TM4SF18: variants seen among roughly 807,000 people sequenced by gnomAD.
TM4SF18 encodes transmembrane 4 L six family member 18.
In TM4SF18, 22 loss-of-function variants were observed where a neutral mutation model predicts 23.8. That is an observed-to-expected ratio of 0.92 (90% CI 0.66 to 1.32). The LOEUF (loss-of-function observed/expected upper bound fraction) is 1.32, where lower values mean the gene tolerates loss of function less well. Among genes scored for constraint, TM4SF18 ranks in the 40% most tolerant of loss-of-function variants. TM4SF18 has a pLI of 0.00. For synonymous variants in TM4SF18, 87 were observed against 87.9 expected, an observed-to-expected ratio of 0.99 and a Z score of 0.06; for missense variants, 255 against 240.3, an observed-to-expected ratio of 1.06 and a Z score of -0.41.
intron 3 of TM4SF18, among the ~76,000 whole-genome samples, chr3:149,325,551 G>A (rs1402152857): frequency 6.6e-6 from 1 of 152,144 alleles, no homozygotes; most frequent in African/African-American, 2.4e-5. Flanking sequence ...TGAGTAGAGA[G>A]AATGGGTGTT....
Position 149,331,316 on chromosome 3 carries a change from C to T in TM4SF18, c.178-897G>A, listed in dbSNP as rs553090166. 4.6e-5 allele frequency among the ~76,000 whole-genome samples: 7 copies of T among 152,054 alleles called. No homozygotes were observed. The South Asian group carries it at 1.5e-3, about 32-fold the overall frequency. On this transcript the variant is annotated intron_variant, in intron 2 of 5. Transcript: ENST00000296059. ...TCCTTTCTCCTAAAAGGATTTGATG[C>T]AGTTATAGTAATATATTTTAATAAT...
chr3:149,328,123 G>T (rs1493262), intron 3 of TM4SF18, among the ~76,000 whole-genome samples: 152,342 of 152,346 alleles, frequency 1, 76,169 homozygotes, highest in Middle Eastern at 1. Context: ...CAGGAATGGA[G>T]AGTGCCTTAG....
rs773855560 is a variant in TM4SF18 at position 149,325,034 on chromosome 3, C to T, written c.268-12G>A. ...ATTGACAGCAGTGTCTAAATTAAAACATAGAAGCAGGTTAGTACCATAGAA... is the reference window on the plus strand; with the variant it reads ...ATTGACAGCAGTGTCTAAATTAAAATATAGAAGCAGGTTAGTACCATAGAA... On this transcript the variant is annotated splice_polypyrimidine_tract_variant and intron_variant, in intron 3 of 5. Transcript: ENST00000296059. The T allele has an allele frequency of 6.2e-6, 10 of 1,611,774 alleles. No homozygotes were observed. The South Asian group carries it at 1.1e-4, about 18-fold the overall frequency.
At chr3:149,322,229 C>G (rs748708322) in intron 5 of TM4SF18, 27 bp downstream of exon 5, 6 of 1,588,774 alleles carry the variant, frequency 3.8e-6, no homozygotes, top group Non-Finnish European at 5.2e-6. Context: ...TATGGATGAG[C>G]TACAGGTGCC....
At chr3:149,329,142 A>G (rs767863106) in intron 3 of TM4SF18, among the ~76,000 whole-genome samples, 1 of 145,798 alleles carries the variant, frequency 6.9e-6, no homozygotes, top group Non-Finnish European at 1.5e-5. Context: ...CTGGAGGATG[A>G]CTGAGTCAAC....
Position 149,322,318 on chromosome 3 carries a change from G to A in TM4SF18, c.529C>T (p.Leu177Phe), listed in dbSNP as rs1730825268. ...GATAGTTGCATGACTACTCTGATGA[G>A]GCAGATGATCACTTGAAGCCCACTG... ...TLSGLQVIICLIRVVMQLSKI... is the reference protein window; with the variant it reads ...TLSGLQVIICFIRVVMQLSKI... The change falls in exon 5 of 6, where the codon CTC becomes TTC. Residue 177 changes from leucine to phenylalanine, a missense_variant. Leu to Phe is a conservative substitution (Grantham distance 22). Coordinates refer to ENST00000296059, the MANE Select transcript of TM4SF18 (RefSeq NM_138786.4). 1 of 1,614,026 alleles carries A rather than the reference G, an allele frequency of 6.2e-7. No individual in the cohort carries two copies. Among genetic ancestry groups the A allele is most frequent in the East Asian group, 2.2e-5 (1 of 44,862 alleles).
intron 4 of TM4SF18, among the ~76,000 whole-genome samples, chr3:149,323,214 T>C (rs1730856367): frequency 6.6e-6 from 1 of 152,162 alleles, no homozygotes; most frequent in Admixed American, 6.5e-5. Flanking sequence ...ACTCTTATCT[T>C]GATAATGGGG....
chr3:149,321,957 G>C (rs1730817022), intron 5 of TM4SF18, among the ~76,000 whole-genome samples: 1 of 152,176 alleles, frequency 6.6e-6, no homozygotes. Flanking sequence ...ATTTCATCAT[G>C]CTTTGAGTTA....
At chr3:149,321,611 A>G in intron 5 of TM4SF18, 119 bp from the exon 6 acceptor site, 1 of 600,112 alleles carries the variant, frequency 1.7e-6, no homozygotes, top group Non-Finnish European at 2.8e-6. Flanking sequence ...TAGAACAGAA[A>G]AAACATCTCT....
rs1265328109 is a variant in TM4SF18, at chr3:149,321,453, A to C, written c.*25T>G. The C allele has an allele frequency of 1.9e-6, 3 of 1,547,502 alleles. No homozygotes were observed. The East Asian group carries it at 6.9e-5, about 35-fold the overall frequency. On this transcript the variant is annotated 3_prime_UTR_variant, in exon 6 of 6. Transcript: ENST00000296059. ...TATTTAGATAGATGGCCATGTCTTG[A>C]TAATGGAAAACATTTTGTCCTTATT...
intron 3 of TM4SF18, among the ~76,000 whole-genome samples, chr3:149,325,769 A>T (rs1246642803): frequency 6.6e-6 from 1 of 152,178 alleles, no homozygotes; most frequent in Non-Finnish European, 1.5e-5. Context: ...GCTGGCCTTG[A>T]ATGCCAGGTT....
chr3:149,322,233 A>C (rs778659411), intron 5 of TM4SF18, 23 bp downstream of exon 5: 1 of 1,594,318 alleles, frequency 6.3e-7, no homozygotes, highest in Admixed American at 1.7e-5. Context: ...GATGAGCTAC[A>C]GGTGCCCATG....
chr3:149,325,107 C>T, intron 3 of TM4SF18, 85 bp from the exon 4 acceptor site: 1 of 1,385,628 alleles, frequency 7.2e-7, no homozygotes, highest in South Asian at 1.3e-5. Context: ...CTACATTCCC[C>T]TATTCACCCA....
chr3:149,322,710 CT>C (rs1199836575), intron 4 of TM4SF18, among the ~76,000 whole-genome samples: 1 of 151,874 alleles, frequency 6.6e-6, no homozygotes, highest in Admixed American at 6.6e-5. Flanking sequence ...CTACTTCCTT[CT>C]TTTTTACTCT....
Position 149,324,947 on chromosome 3 carries a change from G to A in TM4SF18, c.343C>T (p.Leu115Phe). The change falls in exon 4 of 6, where the codon CTT (leucine) becomes TTT (phenylalanine). Residue 115 changes from leucine (L) to phenylalanine (F), a missense_variant. Physicochemically the swap from Leu to Phe is conservative, Grantham distance 22 (BLOSUM62 0). Transcript: ENST00000296059. Reference sequence around the variant, plus strand: ...GTGCGGCAATATGGCCCTTGGACAAGACCCAAGGCAGAGATGACCAGGCAG... The same window carrying A: ...GTGCGGCAATATGGCCCTTGGACAAAACCCAAGGCAGAGATGACCAGGCAG... ...GYCLVISALGLVQGPYCRTLD... is the reference protein window; with the variant it reads ...GYCLVISALGFVQGPYCRTLD... 1.2e-6 allele frequency: 2 copies of A among 1,614,170 alleles called. No homozygotes were observed. The highest frequency in any genetic ancestry group is 3.3e-4 in the Middle Eastern group (2 of 6,060).
intron 2 of TM4SF18, among the ~76,000 whole-genome samples, chr3:149,332,690 T>G (rs1482155787): frequency 6.6e-6 from 1 of 152,180 alleles, no homozygotes; most frequent in Non-Finnish European, 1.5e-5. Context: ...TTATTCACAT[T>G]TTTCACATTA....
At chr3:149,332,290 C>T (rs1313684229) in intron 2 of TM4SF18, among the ~76,000 whole-genome samples, 1 of 152,040 alleles carries the variant, frequency 6.6e-6, no homozygotes, top group Admixed American at 6.6e-5. Context: ...TAATTAAAAA[C>T]CCCTAAAAGA....
chr3:149,333,161 A>G, intron 2 of TM4SF18, 45 bp downstream of exon 2: 1 of 1,539,250 alleles, frequency 6.5e-7, no homozygotes, highest in South Asian at 1.2e-5. Flanking sequence ...GTAAGTCTCA[A>G]TTACAACTCC....
intron 5 of TM4SF18, among the ~76,000 whole-genome samples, chr3:149,321,806 C>G (rs1190087017): frequency 6.6e-6 from 1 of 152,152 alleles, no homozygotes; most frequent in Non-Finnish European, 1.5e-5. Flanking sequence ...TTCCCTTCTT[C>G]TTCAAAAGCA....
Sources: allele counts gnomAD v4.1 joint callset (sites outside exome capture counted in the v4.1 genomes callset), GRCh38; gene constraint gnomAD v4.1.1; transcripts MANE v1.5; gene names NCBI Gene and HGNC (gene_info 2026-07-23, HGNC 2026-07-21).